DDX10: variants seen among roughly 807,000 people sequenced by gnomAD.
DDX10 encodes the protein probable ATP-dependent RNA helicase DDX10.
Under a neutral mutation model 104.3 loss-of-function variants are expected in DDX10, and 74 were observed. The ratio of observed to expected loss-of-function variants is 0.71; its 90% CI spans 0.59 to 0.86. The LOEUF (loss-of-function observed/expected upper bound fraction) is 0.86. DDX10 is among the 40% of genes least tolerant of loss of function. The pLI is 0.00. For synonymous variants in DDX10, 351 were observed against 353.4 expected (o/e 0.99, Z 0.08); for missense variants, 952 against 1,040.0 (o/e 0.92, Z 1.16).
At chr11:108,892,542 T>C (rs1039236955) in intron 16 of DDX10, among the ~76,000 whole-genome samples, 6 of 152,222 alleles carry the variant, frequency 3.9e-5, no homozygotes, top group Admixed American at 6.5e-5. Flanking sequence ...TCATTTGCAT[T>C]ATCCTGTAGT....
At chr11:108,784,847 C>A (rs1861768506) in intron 13 of DDX10, among the ~76,000 whole-genome samples, 2 of 152,134 alleles carry the variant, frequency 1.3e-5, no homozygotes, top group Non-Finnish European at 2.9e-5. Flanking sequence ...AATCAGTAAT[C>A]CATCTTGAGT....
At chr11:108,787,712 C>A (rs1347903571) in intron 13 of DDX10, among the ~76,000 whole-genome samples, 2 of 151,996 alleles carry the variant, frequency 1.3e-5, no homozygotes, top group East Asian at 3.9e-4. Flanking sequence ...GTGGGCGGAT[C>A]ACCTGGAGGT....
At chr11:108,727,861 C>T (rs572049152) in intron 13 of DDX10, 4 of 203,450 alleles carry the variant, frequency 2.0e-5, no homozygotes, top group East Asian at 1.5e-4. Context: ...ATAGAAAATA[C>T]ATGTGAAGAG....
intron 13 of DDX10, chr11:108,822,382 G>A: frequency 4.9e-6 from 2 of 404,358 alleles, no homozygotes; most frequent in East Asian, 7.4e-5. Flanking sequence ...TGCCCTTTCT[G>A]CCTTCTTCTT....
chr11:108,900,762 G>T (rs1042106559), intron 16 of DDX10, among the ~76,000 whole-genome samples: 10 of 152,138 alleles, frequency 6.6e-5, no homozygotes, highest in South Asian at 4.1e-4. Flanking sequence ...GTACCTGGTT[G>T]GGAGACTCTG....
chr11:108,904,413 C>T (rs1333915203), intron 16 of DDX10, among the ~76,000 whole-genome samples: 2 of 152,138 alleles, frequency 1.3e-5, no homozygotes, highest in African/African-American at 2.4e-5. Context: ...TTTTTGAATG[C>T]ACATGGTTAA....
At chr11:108,903,454 T>G (rs578078155) in intron 16 of DDX10, among the ~76,000 whole-genome samples, 1 of 152,272 alleles carries the variant, frequency 6.6e-6, no homozygotes, top group African/African-American at 2.4e-5. Context: ...ATCCATGGAT[T>G]CAAACAGACA....
chr11:108,815,296 C>CTT (rs140482138), intron 13 of DDX10, among the ~76,000 whole-genome samples: 2 of 150,546 alleles, frequency 1.3e-5, no homozygotes, highest in African/African-American at 4.9e-5. Flanking sequence ...GCCTTTTTTT[C>CTT]TTTTTTTTTA....
intron 13 of DDX10, among the ~76,000 whole-genome samples, chr11:108,793,087 G>A (rs951325281): frequency 5.3e-5 from 8 of 152,136 alleles, no homozygotes; most frequent in East Asian, 1.9e-4. Context: ...AAAGATATGC[G>A]TCGTAGGCAA....
At chr11:108,775,897 C>T (rs1011828478) in intron 13 of DDX10, among the ~76,000 whole-genome samples, 22 of 152,144 alleles carry the variant, frequency 1.4e-4, no homozygotes, top group African/African-American at 2.4e-4. Flanking sequence ...TTCGTATAAT[C>T]GTACAGCATG....
intron 13 of DDX10, chr11:108,838,238 A>G (rs1862583947): frequency 5.1e-6 from 2 of 393,462 alleles, no homozygotes; most frequent in Non-Finnish European, 9.1e-6. Flanking sequence ...TAGCCCTCCT[A>G]TTAATGCTTA....
chr11:108,704,903 G>C (rs972544094), intron 9 of DDX10, among the ~76,000 whole-genome samples: 1 of 152,102 alleles, frequency 6.6e-6, no homozygotes, highest in Non-Finnish European at 1.5e-5. Flanking sequence ...TGGAAAACTC[G>C]ACTACCCCAT....
At chr11:108,797,583 T>C (rs1295948271) in intron 13 of DDX10, among the ~76,000 whole-genome samples, 2 of 152,222 alleles carry the variant, frequency 1.3e-5, no homozygotes, top group Non-Finnish European at 2.9e-5. Context: ...ACCTAGTACA[T>C]TCAGCATATG....
At chr11:108,895,782 C>T (rs1211914452) in intron 16 of DDX10, among the ~76,000 whole-genome samples, 1 of 151,970 alleles carries the variant, frequency 6.6e-6, no homozygotes, top group East Asian at 1.9e-4. Context: ...AGATACCAAC[C>T]ACATATGAGG....
At chr11:108,807,997 C>T (rs917261162) in intron 13 of DDX10, among the ~76,000 whole-genome samples, 2 of 152,136 alleles carry the variant, frequency 1.3e-5, no homozygotes, top group Non-Finnish European at 2.9e-5. Flanking sequence ...GCTGTAGATA[C>T]GTCAGGTAAC....
At chr11:108,703,522 G>T (rs2094271513) in intron 9 of DDX10, among the ~76,000 whole-genome samples, 2 of 152,094 alleles carry the variant, frequency 1.3e-5, no homozygotes, top group Non-Finnish European at 2.9e-5. Context: ...TAGAGACAGG[G>T]TTTCACCATG....
chr11:108,675,664 G>A lies in DDX10; in HGVS notation c.316G>A (p.Gly106Ser), dbSNP rs746824477. 6 of 1,614,072 alleles carry A rather than the reference G, an allele frequency of 3.7e-6. No individual in the cohort carries two copies. In the African/African-American group the frequency reaches 4.0e-5, roughly 11 times the overall value. ...GCAGACCATTGGATTGGCTTTGCAA[G>A]GTAAAGATGTACTTGGAGCGGCCAA... The part of the protein sequence containing the change: ...QKQTIGLALQ[G>S]KDVLGAAKTG... Residue 106 changes from glycine (G) to serine (S), a missense_variant, in exon 3 of 18, where the codon GGT (glycine) becomes AGT (serine). Around this residue, in one of 3 missense-constraint regions of DDX10, gnomAD observed 412 missense variants for 479.2 expected, o/e 0.86. Coordinates refer to ENST00000322536, the MANE Select transcript of DDX10 (RefSeq NM_004398.4).
At chr11:108,839,745 C>T (rs1348417046) in intron 14 of DDX10, among the ~76,000 whole-genome samples, 3 of 152,018 alleles carry the variant, frequency 2.0e-5, no homozygotes, top group South Asian at 2.1e-4. Flanking sequence ...GAAGAGGAAG[C>T]GTATCTAAAT....
chr11:108,856,264 T>C (rs901651474), intron 16 of DDX10, among the ~76,000 whole-genome samples: 2 of 152,012 alleles, frequency 1.3e-5, no homozygotes, highest in African/African-American at 4.8e-5. Flanking sequence ...ACCCTGTCTC[T>C]ACTAAAAATA....
Sources: allele counts gnomAD v4.1 joint callset (sites outside exome capture counted in the v4.1 genomes callset), GRCh38; gene constraint gnomAD v4.1.1; regional missense constraint gnomAD v4.1.1; transcripts MANE v1.5; gene names NCBI Gene and HGNC (gene_info 2026-07-23, HGNC 2026-07-21).